Variants in SCN1A observed in about 807,000 individuals in gnomAD.
SCN1A encodes sodium voltage-gated channel alpha subunit 1.
In SCN1A, 13 loss-of-function variants were observed where a neutral mutation model predicts 193.7. The observed-to-expected ratio is 0.07, with a 90% CI of 0.04 to 0.11. The LOEUF (loss-of-function observed/expected upper bound fraction) is 0.11. Ranked by LOEUF, SCN1A falls within the 10% of genes least tolerant of loss-of-function variation. SCN1A has a pLI of 1.00. For synonymous variants in SCN1A, 781 were observed against 843.6 expected (o/e 0.93, Z 1.29); for missense variants, 1,432 against 2,451.1 (o/e 0.58, Z 8.78).
chr2:166,055,855 T>C (rs1470322309), intron 6 of SCN1A, among the ~76,000 whole-genome samples: 1 of 151,984 alleles, frequency 6.6e-6, no homozygotes, highest in East Asian at 1.9e-4. Context: ...CTACAAAAAG[T>C]TCCACTTCTG....
intron 2 of SCN1A, among the ~76,000 whole-genome samples, chr2:166,121,270 A>G (rs34755811): frequency 6.6e-6 from 1 of 152,198 alleles, no homozygotes; most frequent in Admixed American, 6.5e-5. Flanking sequence ...GGCATTTTTC[A>G]GTCTAGATTG....
At chr2:166,118,779 A>G (rs764878316) in intron 2 of SCN1A, among the ~76,000 whole-genome samples, 2 of 152,152 alleles carry the variant, frequency 1.3e-5, no homozygotes, top group African/African-American at 2.4e-5. Flanking sequence ...GAATTCTCTT[A>G]GCTTTCTTTC....
chr2:166,116,821 T>C (rs1268691446), intron 2 of SCN1A, among the ~76,000 whole-genome samples: 1 of 152,154 alleles, frequency 6.6e-6, no homozygotes, highest in Non-Finnish European at 1.5e-5. Context: ...TTATAAATTA[T>C]AATCATAAAT....
chr2:165,996,205 A>T lies in SCN1A; in HGVS notation c.4477-88T>A, dbSNP rs548001192. 115 of 804,416 alleles carry T rather than the reference A, an allele frequency of 1.4e-4. 2 individuals are homozygous for T. In the Middle Eastern group the frequency reaches 1.5e-3, roughly 11 times the overall value. The allele number at this position is 804,416 out of a possible 1,614,324, so 49.8% of individuals were successfully genotyped here. ...AAAATAGAAAATGGATGGCTAAAAA[A>T]AGAAATACAAAATTCAACTGATTAG... On this transcript the variant is annotated intron_variant, in intron 26 of 28. Transcript: ENST00000674923.
At chr2:166,075,526 A>G (rs1383392644) in intron 3 of SCN1A, among the ~76,000 whole-genome samples, 4 of 152,010 alleles carry the variant, frequency 2.6e-5, no homozygotes, top group Non-Finnish European at 5.9e-5. Flanking sequence ...TACTGGCTAC[A>G]TGGGTTTCCA....
At position 166,047,815 on chromosome 2, in the gene SCN1A, T is replaced by C. The variant is rs201418120; in HGVS notation, c.1029-47A>G. On this transcript the variant is annotated intron_variant, in intron 10 of 28. Coordinates refer to ENST00000674923, the MANE Select transcript of SCN1A (RefSeq NM_001165963.4). ...GTATTACAAGTCGTTCTGCTGCCTT[T>C]TTACTCTGATACTATGCTATGATAT... is the stretch of plus-strand genomic sequence containing the variant. The C allele has an allele frequency of 2.3e-4, 366 of 1,611,670 alleles. 3 individuals carry two copies. The African/African-American group carries it at 2.9e-3, about 13-fold the overall frequency.
At chr2:166,145,191 G>T (rs1177257434) in intron 1 of SCN1A, among the ~76,000 whole-genome samples, 1 of 118,264 alleles carries the variant, frequency 8.5e-6, no homozygotes, top group African/African-American at 3.3e-5. Flanking sequence ...ACAGAGTCTC[G>T]CTCTGTCGTC....
intron 19 of SCN1A, among the ~76,000 whole-genome samples, chr2:166,020,038 G>A (rs1262650584): frequency 1.3e-5 from 2 of 151,566 alleles, no homozygotes; most frequent in Non-Finnish European, 1.5e-5. Flanking sequence ...AGCCTCCCAA[G>A]TAGCTGGGAC....
In SCN1A at chr2:165,989,028, CTGTGTGTG is replaced by C. The variant is rs140461403; in HGVS notation, c.*2209_*2216del. Reference sequence around the variant, plus strand: ...TTTTGTTGTCAACGTGGGTATGCCTCTGTGTGTGTGTGTGTGTGTGTGTGTGTGTGTGT... The same window carrying C: ...TTTTGTTGTCAACGTGGGTATGCCTCTGTGTGTGTGTGTGTGTGTGTGTGT... On this transcript the variant is annotated 3_prime_UTR_variant, in exon 29 of 29. Transcript: ENST00000674923. 0.023 allele frequency: 2,368 copies of C among 103,916 alleles called. 62 individuals carry two copies. Among genetic ancestry groups the C allele is most frequent in the African/African-American group, 0.065 (1,995 of 30,918 alleles). The allele number at this position is 103,916 out of a possible 1,614,324, so 6.4% of individuals were successfully genotyped here.
chr2:166,079,939 TTA>T lies in SCN1A; in HGVS notation c.-141-2140_-141-2139del, dbSNP rs139804887. Among the ~76,000 whole-genome samples the T allele has an allele frequency of 8.6e-3, 1,310 of 151,534 alleles. 26 individuals carry two copies. Among genetic ancestry groups the T allele is most frequent in the African/African-American group, 0.03 (1,251 of 41,432 alleles). On this transcript the variant is annotated intron_variant, in intron 2 of 28. Transcript: ENST00000674923. ...TATTCAAATGCTACCTAAAAATAAA[TTA>T]TGTTATATTAATTATAAGAATAAAA... is the stretch of plus-strand genomic sequence containing the variant.
intron 24 of SCN1A, among the ~76,000 whole-genome samples, chr2:166,001,805 G>A (rs186873827): frequency 6.7e-6 from 1 of 149,720 alleles, no homozygotes; most frequent in African/African-American, 2.4e-5. Context: ...GGTGCTGAAA[G>A]GTCATTTGAG....
At position 165,987,216 on chromosome 2, in the gene SCN1A, A is replaced by G. The variant is rs181996799; in HGVS notation, c.*4029T>C. On this transcript the variant is annotated 3_prime_UTR_variant, in exon 29 of 29. Transcript: ENST00000674923. ...GGTTTTAAAATTTTGACTGTGTACC[A>G]AGAAGTAATGTGGCCCTTTCAGTAT... is the stretch of plus-strand genomic sequence containing the variant. The G allele has an allele frequency of 1.3e-3, 192 of 152,248 alleles. No individual in the cohort carries two copies. Among genetic ancestry groups the G allele is most frequent in the African/African-American group, 4.3e-3 (180 of 41,560 alleles). 9.4% of individuals were successfully genotyped at this position (152,248 alleles called of 1,614,324 possible).
intron 19 of SCN1A, among the ~76,000 whole-genome samples, chr2:166,026,918 C>A (rs180803043): frequency 2.2e-3 from 336 of 152,044 alleles, no homozygotes; most frequent in African/African-American, 7.8e-3. Context: ...CTCCTGACCT[C>A]GTGATTCGCC....
In SCN1A at chr2:166,019,007, C is replaced by CTAT. The variant is rs570896127; in HGVS notation, c.3430-3283_3430-3281dup. ...TGTTAAATGTTTCTGAATAACTTTG[C>CTAT]TATTTCATGAGGACTACTTTATAAA... On this transcript the variant is annotated intron_variant, in intron 19 of 28. Coordinates refer to ENST00000674923, the MANE Select transcript of SCN1A (RefSeq NM_001165963.4). Among the ~76,000 whole-genome samples the CTAT allele has an allele frequency of 2.4e-3, 370 of 152,210 alleles. 1 individual carries two copies. The highest frequency in any genetic ancestry group is 8.5e-3 in the African/African-American group (352 of 41,538).
At chr2:166,132,938 T>C (rs1458184611), upstream of SCN1A, among the ~76,000 whole-genome samples, 1 of 141,960 alleles carries the variant, frequency 7.0e-6, no homozygotes, top group Non-Finnish European at 1.6e-5. Context: ...ACATAAATAA[T>C]TGAATTTTTT....
intron 1 of SCN1A, among the ~76,000 whole-genome samples, chr2:166,138,401 A>G (rs1009683051): frequency 6.6e-6 from 1 of 152,188 alleles, no homozygotes; most frequent in African/African-American, 2.4e-5. Flanking sequence ...CAGAGTTCCC[A>G]TGCTGTATGC....
At chr2:166,058,469 CTA>C (rs1699338908) in intron 5 of SCN1A, 99 bp downstream of exon 5, 2 of 684,696 alleles carry the variant, frequency 2.9e-6, no homozygotes, top group South Asian at 3.8e-5. Flanking sequence ...GTGATGAAAA[CTA>C]TATAATATGG....
intron 1 of SCN1A, among the ~76,000 whole-genome samples, chr2:166,135,261 A>AT (rs944826476): frequency 5.3e-5 from 8 of 152,148 alleles, no homozygotes; most frequent in African/African-American, 1.4e-4. Context: ...TTTCAATTAG[A>AT]TTTTTTTAAT....
intron 4 of SCN1A, among the ~76,000 whole-genome samples, chr2:166,069,297 CCTT>C (rs1274908883): frequency 2.0e-5 from 3 of 152,060 alleles, no homozygotes; most frequent in African/African-American, 4.8e-5. Context: ...GATCTAAAAA[CCTT>C]CTAATGCTTC....
Sources: allele counts gnomAD v4.1 joint callset (sites outside exome capture counted in the v4.1 genomes callset), GRCh38; gene constraint gnomAD v4.1.1; transcripts MANE v1.5; gene names NCBI Gene and HGNC (gene_info 2026-07-23, HGNC 2026-07-21).